SGCD: variants seen among roughly 807,000 people sequenced by gnomAD.
SGCD encodes delta-sarcoglycan.
In SGCD, 18 loss-of-function variants were observed where a neutral mutation model predicts 36.6. That is an observed-to-expected ratio of 0.49 (90% CI 0.34 to 0.73). The LOEUF is 0.73. Ranked by LOEUF, SGCD falls within the 30% of genes least tolerant of loss-of-function variation. The pLI, the probability that SGCD is intolerant of heterozygous loss-of-function variation, is 0.01. For synonymous variants in SGCD, 133 were observed against 130.6 expected (o/e 1.02, Z -0.12); for missense variants, 387 against 346.7 (o/e 1.12, Z -0.92).
chr5:155,816,247 A>G, the SGCD span, among the ~76,000 whole-genome samples: 3 of 152,178 alleles, frequency 2.0e-5, no homozygotes, highest in East Asian at 5.8e-4. Flanking sequence ...CCATCCTCAT[A>G]TAACTTTTGA....
chr5:156,758,785 G>GAA (rs140913292), intron 8 of SGCD, among the ~76,000 whole-genome samples: 11,216 of 143,032 alleles, frequency 0.078, 696 homozygotes, highest in African/African-American at 0.17. Context: ...TAAATTGTTA[G>GAA]AAAAAAAAAA....
chr5:156,419,149 A>C (rs185349171), intron 3 of SGCD, among the ~76,000 whole-genome samples: 9 of 152,298 alleles, frequency 5.9e-5, no homozygotes, highest in East Asian at 3.9e-4. Flanking sequence ...GCTATGAAGA[A>C]ATTATATATG....
At chr5:155,781,969 A>G in the SGCD span, among the ~76,000 whole-genome samples, 1 of 151,870 alleles carries the variant, frequency 6.6e-6, no homozygotes, top group Non-Finnish European at 1.5e-5. Flanking sequence ...TGGATGGAGT[A>G]ACTACAGGTT....
chr5:155,995,324 T>A (rs903429341), intron 1 of SGCD, among the ~76,000 whole-genome samples: 2 of 152,284 alleles, frequency 1.3e-5, no homozygotes, highest in Admixed American at 6.5e-5. Flanking sequence ...ATAAACAGTA[T>A]ATTTTTGAGA....
intron 3 of SGCD, among the ~76,000 whole-genome samples, chr5:156,369,522 C>T (rs1000305141): frequency 3.3e-4 from 51 of 152,250 alleles, no homozygotes; most frequent in African/African-American, 1.0e-3. Context: ...GTTTTGGTTG[C>T]TGTTAATTTG....
chr5:156,279,643 G>T (rs1444360872), intron 3 of SGCD, among the ~76,000 whole-genome samples: 2 of 152,200 alleles, frequency 1.3e-5, no homozygotes, highest in African/African-American at 4.8e-5. Context: ...GTTGGGAAAA[G>T]TGTTGGAAGA....
At chr5:156,179,826 G>A (rs537247929) in intron 3 of SGCD, among the ~76,000 whole-genome samples, 1 of 152,084 alleles carries the variant, frequency 6.6e-6, no homozygotes, top group South Asian at 2.1e-4. Context: ...GTTTCATCAT[G>A]TTGCCCAGGT....
intron 7 of SGCD, among the ~76,000 whole-genome samples, chr5:156,737,537 T>C (rs546947558): frequency 6.6e-6 from 1 of 152,202 alleles, no homozygotes; most frequent in African/African-American, 2.4e-5. Flanking sequence ...GACACTAATA[T>C]TGTTTTCAGC....
At chr5:156,009,756 A>T (rs902455517) in intron 1 of SGCD, among the ~76,000 whole-genome samples, 2 of 152,188 alleles carry the variant, frequency 1.3e-5, no homozygotes, top group Non-Finnish European at 2.9e-5. Flanking sequence ...ACTCACTTGA[A>T]TTAGTCTAAT....
At chr5:156,514,599 A>G (rs73812681) in intron 4 of SGCD, among the ~76,000 whole-genome samples, 6,225 of 152,320 alleles carry the variant, frequency 0.041, 418 homozygotes, top group African/African-American at 0.14. Context: ...GGCTCTGCCT[A>G]TCGTAAGATA....
intron 4 of SGCD, among the ~76,000 whole-genome samples, chr5:156,542,060 G>GT (rs1758369143): frequency 6.6e-6 from 1 of 152,138 alleles, no homozygotes; most frequent in African/African-American, 2.4e-5. Flanking sequence ...AATGCCAAAT[G>GT]TTTTTAAGGC....
At chr5:155,956,796 GGC>G (rs1491213700) in intron 1 of SGCD, among the ~76,000 whole-genome samples, 1 of 129,868 alleles carries the variant, frequency 7.7e-6, no homozygotes, top group Non-Finnish European at 1.7e-5. Context: ...TTGGACTCAG[GGC>G]CCCCCCCCCC....
chr5:156,322,336 A>AT (rs368507448), upstream of SGCD, among the ~76,000 whole-genome samples: 12 of 150,472 alleles, frequency 8.0e-5, no homozygotes, highest in South Asian at 2.1e-4. Flanking sequence ...CTGTACTTGG[A>AT]TTTTTTTTTT....
chr5:156,275,484 C>T (rs1045895246), intron 3 of SGCD, among the ~76,000 whole-genome samples: 5 of 152,108 alleles, frequency 3.3e-5, no homozygotes, highest in African/African-American at 1.2e-4. Context: ...AAAACAAGTA[C>T]AGAGGATTGA....
chr5:156,085,919 C>T (rs931011405), intron 1 of SGCD, among the ~76,000 whole-genome samples: 1 of 152,180 alleles, frequency 6.6e-6, no homozygotes, highest in Non-Finnish European at 1.5e-5. Context: ...GATGGTAAAA[C>T]ATTAAATTAT....
intron 1 of SGCD, among the ~76,000 whole-genome samples, chr5:156,027,528 T>A (rs1406819525): frequency 6.6e-6 from 1 of 152,322 alleles, no homozygotes; most frequent in African/African-American, 2.4e-5. Flanking sequence ...CATGATGAAT[T>A]TTATTCTAGT....
At chr5:156,159,290 C>T (rs1030213571) in intron 3 of SGCD, among the ~76,000 whole-genome samples, 5 of 151,486 alleles carry the variant, frequency 3.3e-5, no homozygotes, top group African/African-American at 9.8e-5. Context: ...AACAAAATTA[C>T]GTAGATTTTA....
chr5:155,971,254 A>G (rs1353023428), intron 1 of SGCD, among the ~76,000 whole-genome samples: 4 of 152,150 alleles, frequency 2.6e-5, no homozygotes, highest in East Asian at 1.9e-4. Context: ...CTTTGCATGA[A>G]TTACATGCTC....
chr5:155,820,909 C>A, the SGCD span, among the ~76,000 whole-genome samples: 1 of 152,020 alleles, frequency 6.6e-6, no homozygotes, highest in Non-Finnish European at 1.5e-5. Context: ...ATTCTTAAGT[C>A]TCTGTACTTC....
Sources: gnomAD v4.1 joint callset for allele counts (sites outside exome capture counted in the v4.1 genomes callset) on GRCh38, gnomAD v4.1.1 for gene constraint, MANE v1.5 for transcripts, NCBI Gene and HGNC (gene_info 2026-07-23, HGNC 2026-07-21) for gene names.